The following SHANK2 variants were observed in gnomAD, a reference collection of about 807,000 sequenced individuals.
SHANK2 encodes the protein SH3 and multiple ankyrin repeat domains protein 2.
In SHANK2, 43 loss-of-function variants were observed where a neutral mutation model predicts 133.7. The ratio of observed to expected loss-of-function variants is 0.32; its 90% confidence interval spans 0.25 to 0.41. SHANK2 has a LOEUF of 0.41. Among genes scored for constraint, SHANK2 ranks in the 10% least tolerant of loss-of-function variants. The pLI, the probability that SHANK2 is intolerant of heterozygous loss-of-function variation, is 1.00. For synonymous variants in SHANK2, 1,017 were observed against 952.8 expected (o/e 1.07, Z -1.24); for missense variants, 1,994 against 2,235.8 (o/e 0.89, Z 2.18).
At chr11:71,086,006 T>C (rs1226135712) in intron 8 of SHANK2, among the ~76,000 whole-genome samples, 39 of 88,336 alleles carry the variant, frequency 4.4e-4, no homozygotes, top group South Asian at 4.2e-3. Context: ...TGTTATATAT[T>C]ATTATATATA....
intron 11 of SHANK2, among the ~76,000 whole-genome samples, chr11:70,837,303 C>T (rs1948834084): frequency 6.6e-6 from 1 of 152,162 alleles, no homozygotes; most frequent in Non-Finnish European, 1.5e-5. Flanking sequence ...GCTCCCTCAC[C>T]CACACGGGCC....
chr11:70,744,481 T>C (rs1555035520), intron 14 of SHANK2, among the ~76,000 whole-genome samples: 1 of 152,190 alleles, frequency 6.6e-6, no homozygotes, highest in Non-Finnish European at 1.5e-5. Flanking sequence ...TGCTAGGATC[T>C]GCCTACGGGA....
intron 14 of SHANK2, among the ~76,000 whole-genome samples, chr11:70,781,580 A>ATATATATATATATATATATT (rs34035945): frequency 3.2e-5 from 4 of 126,296 alleles, no homozygotes; most frequent in African/African-American, 8.9e-5. Context: ...ATATATATAT[A>ATATATATATATATATATATT]TATTTACTTA....
chr11:70,807,826 T>C lies in SHANK2; in HGVS notation c.1494-655A>G, dbSNP rs567322771. 3.3e-5 allele frequency among the ~76,000 whole-genome samples: 5 copies of C among 150,424 alleles called. No individual in the cohort carries two copies. Among genetic ancestry groups the C allele is most frequent in the Admixed American group, 3.3e-4 (5 of 15,182 alleles). ...GCCTGGGTGACAGAGTGAGACTCTG[T>C]CTCCAAAAAAAAAAAGTAAACTGTG... On this transcript the variant is annotated intron_variant, in intron 12 of 25. Coordinates refer to ENST00000601538, the MANE Select transcript of SHANK2 (RefSeq NM_012309.5). This position sits in a 1 kb window ranked among gnomAD's most constrained non-coding sequence, Gnocchi z 4.8.
chr11:70,577,142 G>A (rs953769125), intron 17 of SHANK2, among the ~76,000 whole-genome samples: 7 of 152,208 alleles, frequency 4.6e-5, no homozygotes, highest in South Asian at 2.1e-4. Flanking sequence ...TGACACAGAC[G>A]TGACACCGTG....
intron 14 of SHANK2, among the ~76,000 whole-genome samples, chr11:70,740,563 C>A (rs1327776385): frequency 6.6e-6 from 1 of 152,144 alleles, no homozygotes; most frequent in Non-Finnish European, 1.5e-5. Context: ...GTCAGAGGAA[C>A]TGGGACTGAA....
At chr11:71,183,213 T>C (rs1555114012) in intron 2 of SHANK2, among the ~76,000 whole-genome samples, 1 of 152,080 alleles carries the variant, frequency 6.6e-6, no homozygotes, top group African/African-American at 2.4e-5. Context: ...CTGGATCAGG[T>C]AGCAAATGTT....
intron 14 of SHANK2, among the ~76,000 whole-genome samples, chr11:70,762,109 C>T (rs568844096): frequency 1.3e-5 from 2 of 152,240 alleles, no homozygotes; most frequent in African/African-American, 2.4e-5. Context: ...CTCCTGCTCT[C>T]TTTTCCTCAA....
At chr11:70,667,872 G>A (rs1480890820) in intron 15 of SHANK2, 8 of 152,182 alleles carry the variant, frequency 5.3e-5, no homozygotes, top group Non-Finnish European at 1.2e-4. Flanking sequence ...TTTACTCATA[G>A]CTCTCAGGAT....
intron 15 of SHANK2, among the ~76,000 whole-genome samples, chr11:70,671,576 A>G (rs1164984355): frequency 1.3e-5 from 2 of 152,228 alleles, no homozygotes; most frequent in Non-Finnish European, 2.9e-5. Flanking sequence ...ATGCATAAAC[A>G]GATATTTTCA....
At chr11:70,683,480 G>A (rs1945073698) in intron 15 of SHANK2, among the ~76,000 whole-genome samples, 1 of 152,210 alleles carries the variant, frequency 6.6e-6, no homozygotes, top group African/African-American at 2.4e-5. Flanking sequence ...CTGATATGCT[G>A]CTACATGCTC....
chr11:71,075,118 C>A, intron 9 of SHANK2, 41 bp downstream of exon 9: 1 of 172,010 alleles, frequency 5.8e-6, no homozygotes, highest in South Asian at 1.5e-4. Flanking sequence ...GGAAATGGAC[C>A]ACTGTATACA....
At chr11:70,596,223 GCACCTGGGC>G (rs1348611996) in intron 17 of SHANK2, among the ~76,000 whole-genome samples, 4 of 152,184 alleles carry the variant, frequency 2.6e-5, no homozygotes, top group Non-Finnish European at 5.9e-5. Flanking sequence ...GCTCTGTGGG[GCACCTGGGC>G]CAGGGCTGGG....
rs1954983688 is a variant in SHANK2 at position 71,247,938 on chromosome 11, C to CCTG, written c.-113+4484_-113+4486dup. Reference sequence around the variant, plus strand: ...AGCCAATCGGGGAGCCCAGCATGTCCCTGCTGCTGCCAGCAAACTCCTGGC... The same window carrying CCTG: ...AGCCAATCGGGGAGCCCAGCATGTCCCTGCTGCTGCTGCCAGCAAACTCCTGGC... On this transcript the variant is annotated intron_variant, in intron 1 of 25. Transcript: ENST00000601538. Among the ~76,000 whole-genome samples the CCTG allele has an allele frequency of 2.0e-5, 3 of 152,320 alleles. No homozygotes were observed. In the South Asian group the frequency reaches 6.2e-4, roughly 32 times the overall value.
intron 2 of SHANK2, among the ~76,000 whole-genome samples, chr11:71,169,307 G>A (rs1298853374): frequency 6.6e-6 from 1 of 152,174 alleles, no homozygotes; most frequent in Non-Finnish European, 1.5e-5. Context: ...TTTCACTCAG[G>A]TGTTGCACAT....
intron 14 of SHANK2, among the ~76,000 whole-genome samples, chr11:70,756,367 C>T (rs907120938): frequency 1.6e-4 from 25 of 152,218 alleles, no homozygotes; most frequent in African/African-American, 5.8e-4. Flanking sequence ...GGAGCACTCA[C>T]TGATCCTGGG....
intron 6 of SHANK2, among the ~76,000 whole-genome samples, chr11:71,096,605 G>A (rs559078042): frequency 2.6e-5 from 4 of 152,280 alleles, no homozygotes; most frequent in South Asian, 4.2e-4. Context: ...CGAAGGGCAC[G>A]AAAAGACTGG....
At chr11:70,523,298 A>G (rs1265399059) in intron 17 of SHANK2, among the ~76,000 whole-genome samples, 1 of 152,180 alleles carries the variant, frequency 6.6e-6, no homozygotes, top group Non-Finnish European at 1.5e-5. Flanking sequence ...CAGGTGCTCT[A>G]TAAATACTAT....
intron 14 of SHANK2, among the ~76,000 whole-genome samples, chr11:70,754,723 A>T (rs369113281): frequency 1.3e-5 from 2 of 152,288 alleles, no homozygotes; most frequent in Non-Finnish European, 1.5e-5. Context: ...AATACCATGG[A>T]CCCATAAGAG....
Sources: gnomAD v4.1 joint callset for allele counts (sites outside exome capture counted in the v4.1 genomes callset) on GRCh38, gnomAD v4.1.1 for gene constraint, Gnocchi (gnomAD v3.1) non-coding constraint, MANE v1.5 for transcripts, NCBI Gene and HGNC (gene_info 2026-07-23, HGNC 2026-07-21) for gene names.